Variants in EXOC4 observed in about 807,000 individuals in gnomAD.
The protein encoded by EXOC4 is SEC8-like 1.
EXOC4 carries 71 observed loss-of-function variants against 107.2 expected under a neutral mutation model. The observed-to-expected ratio is 0.66, with a 90% CI of 0.55 to 0.81. EXOC4 has a LOEUF of 0.81. EXOC4 is among the 30% of genes least tolerant of loss of function. The pLI is 0.00. For synonymous variants in EXOC4, 456 were observed against 441.2 expected, an observed-to-expected ratio of 1.03 and a Z score of -0.42; for missense variants, 1,108 against 1,189.6, an observed-to-expected ratio of 0.93 and a Z score of 1.01.
At chr7:133,825,665 T>C (rs1245367709) in intron 11 of EXOC4, among the ~76,000 whole-genome samples, 2 of 152,222 alleles carry the variant, frequency 1.3e-5, no homozygotes, top group Non-Finnish European at 2.9e-5. Context: ...CATATCACAT[T>C]ATGTTCATAT....
intron 9 of EXOC4, among the ~76,000 whole-genome samples, chr7:133,537,515 A>C (rs1273414759): frequency 6.6e-6 from 1 of 152,116 alleles, no homozygotes; most frequent in Admixed American, 6.5e-5. Flanking sequence ...TTCTAAGTCC[A>C]CACTATCTAT....
At chr7:133,380,568 T>G (rs1370567632) in intron 7 of EXOC4, among the ~76,000 whole-genome samples, 1 of 152,204 alleles carries the variant, frequency 6.6e-6, no homozygotes, top group Non-Finnish European at 1.5e-5. Context: ...ATCTACTTTT[T>G]GGAAATGACT....
chr7:133,587,060 C>T (rs1430703387), intron 9 of EXOC4, among the ~76,000 whole-genome samples: 2 of 152,138 alleles, frequency 1.3e-5, no homozygotes, highest in Admixed American at 1.3e-4. Flanking sequence ...TCTCAAACTC[C>T]TGACCTCGAG....
intron 14 of EXOC4, among the ~76,000 whole-genome samples, chr7:133,941,502 T>C (rs1208370420): frequency 1.3e-5 from 2 of 152,166 alleles, no homozygotes; most frequent in African/African-American, 2.4e-5. Flanking sequence ...TCTCTTTTAG[T>C]GTTTGCCTAA....
chr7:133,967,969 C>T (rs879186651), intron 14 of EXOC4, among the ~76,000 whole-genome samples: 42 of 151,908 alleles, frequency 2.8e-4, no homozygotes, highest in Non-Finnish European at 2.9e-5. Context: ...AGTCTAAGTC[C>T]CTTTGTAGGT....
the EXOC4 span, among the ~76,000 whole-genome samples, chr7:134,096,265 G>A: frequency 6.6e-6 from 1 of 152,160 alleles, no homozygotes; most frequent in Non-Finnish European, 1.5e-5. Context: ...CATAGGAAGA[G>A]TAGCCCACAA....
chr7:133,784,910 T>TG (rs2151177472), intron 10 of EXOC4, among the ~76,000 whole-genome samples: 1 of 152,360 alleles, frequency 6.6e-6, no homozygotes, highest in Admixed American at 6.5e-5. Flanking sequence ...GCTTGGCTGC[T>TG]GGTTTTTATT....
chr7:133,291,153 C>T (rs139195174), intron 3 of EXOC4, among the ~76,000 whole-genome samples: 38 of 151,820 alleles, frequency 2.5e-4, no homozygotes, highest in African/African-American at 8.9e-4. Context: ...GGAGGAAGAA[C>T]AGTCATGTCC....
chr7:133,816,612 A>G lies in EXOC4; in HGVS notation c.1515-713A>G, dbSNP rs568543991. Among the ~76,000 whole-genome samples, 12 of 152,262 alleles carry G rather than the reference A, an allele frequency of 7.9e-5. 1 individual carries two copies. The South Asian group carries it at 1.9e-3, about 24-fold the overall frequency. ...TTATATATATACATGTAAAGCAGCA[A>G]TCCCCAACCTTTTTTGGCACAAGCA... On this transcript the variant is annotated intron_variant, in intron 10 of 17. Coordinates refer to ENST00000253861, the MANE Select transcript of EXOC4 (RefSeq NM_021807.4).
downstream of EXOC4, among the ~76,000 whole-genome samples, chr7:134,070,199 G>A (rs1036426276): frequency 6.6e-6 from 1 of 152,196 alleles, no homozygotes; most frequent in Non-Finnish European, 1.5e-5. Flanking sequence ...GGCTCGGCAA[G>A]GTGTCAACCC....
At chr7:133,263,346 A>G (rs1434247504) in intron 1 of EXOC4, among the ~76,000 whole-genome samples, 1 of 143,858 alleles carries the variant, frequency 7.0e-6, no homozygotes, top group Non-Finnish European at 1.5e-5. Flanking sequence ...GATAAACATT[A>G]TATAGATATG....
intron 9 of EXOC4, chr7:133,481,062 A>AAC (rs1563082028): frequency 6.6e-6 from 1 of 151,306 alleles, no homozygotes; most frequent in East Asian, 1.9e-4. Context: ...AAAAAGAAAA[A>AAC]AAAAAAAACA....
chr7:133,412,668 A>T (rs945285279), intron 7 of EXOC4, among the ~76,000 whole-genome samples: 1 of 152,036 alleles, frequency 6.6e-6, no homozygotes, highest in African/African-American at 2.4e-5. Context: ...AAAAAATCAG[A>T]ACAAAACAAA....
At chr7:133,271,846 C>T (rs570957035) in intron 1 of EXOC4, among the ~76,000 whole-genome samples, 2 of 152,040 alleles carry the variant, frequency 1.3e-5, no homozygotes, top group East Asian at 1.9e-4. Context: ...TCTTAGCTTT[C>T]GAGTAGAATA....
intron 10 of EXOC4, among the ~76,000 whole-genome samples, chr7:133,656,409 G>A (rs2483509): frequency 0.43 from 65,810 of 151,846 alleles, 15,169 homozygotes; most frequent in Admixed American, 0.57. Context: ...GTGTGTGTGT[G>A]TATATATATA....
chr7:133,610,093 G>A (rs1178810511), intron 9 of EXOC4, among the ~76,000 whole-genome samples: 2 of 152,168 alleles, frequency 1.3e-5, no homozygotes, highest in African/African-American at 4.8e-5. Context: ...ATAACTAGAT[G>A]TAATTAAACT....
rs556105729 is a variant in EXOC4 at position 133,799,951 on chromosome 7, C to T, written c.1515-17374C>T. 2.0e-5 allele frequency among the ~76,000 whole-genome samples: 3 copies of T among 152,158 alleles called. No individual in the cohort carries two copies. In the South Asian group the frequency reaches 6.2e-4, roughly 32 times the overall value. ...ACACTCAAAGGAGCAGGTTAAATAC[C>T]AAGAACTTAGTGAGTCAGGTAGCTG... On this transcript the variant is annotated intron_variant, in intron 10 of 17. Coordinates refer to ENST00000253861, the MANE Select transcript of EXOC4 (RefSeq NM_021807.4).
intron 9 of EXOC4, among the ~76,000 whole-genome samples, chr7:133,617,844 T>C (rs141226241): frequency 6.6e-6 from 1 of 152,246 alleles, no homozygotes; most frequent in African/African-American, 2.4e-5. Flanking sequence ...GAGAATTGAG[T>C]TCAAAATGAG....
At chr7:133,887,527 C>A (rs1799112520) in intron 11 of EXOC4, among the ~76,000 whole-genome samples, 1 of 152,050 alleles carries the variant, frequency 6.6e-6, no homozygotes, top group African/African-American at 2.4e-5. Flanking sequence ...GTGAAAGTAC[C>A]AGTACACAAA....
Sources: gnomAD v4.1 joint callset for allele counts (sites outside exome capture counted in the v4.1 genomes callset) on GRCh38, gnomAD v4.1.1 for gene constraint, MANE v1.5 for transcripts, NCBI Gene and HGNC (gene_info 2026-07-23, HGNC 2026-07-21) for gene names.